Variants in PTPRM observed in about 807,000 individuals in gnomAD.
The protein encoded by PTPRM is protein tyrosine phosphatase receptor type M, also known as receptor-type tyrosine-protein phosphatase mu.
Under a neutral mutation model 186.7 loss-of-function variants are expected in PTPRM, and 47 were observed. That is an observed-to-expected ratio of 0.25 (90% confidence interval 0.20 to 0.32). The LOEUF (loss-of-function observed/expected upper bound fraction) is 0.32. Among genes scored for constraint, PTPRM ranks in the 10% least tolerant of loss-of-function variants. The pLI, the probability that PTPRM is intolerant of heterozygous loss-of-function variation, is 1.00. For synonymous variants in PTPRM, 668 were observed against 674.9 expected (o/e 0.99, Z 0.16); for missense variants, 1,494 against 1,865.0 (o/e 0.80, Z 3.66).
intron 1 of PTPRM, among the ~76,000 whole-genome samples, chr18:7,706,798 A>G (rs1040557208): frequency 6.6e-6 from 1 of 152,056 alleles, no homozygotes; most frequent in Non-Finnish European, 1.5e-5. Context: ...TTACACTTAA[A>G]TATACTATAA....
chr18:7,798,664 T>C (rs1356774303), intron 2 of PTPRM, among the ~76,000 whole-genome samples: 1 of 152,220 alleles, frequency 6.6e-6, no homozygotes, highest in Non-Finnish European at 1.5e-5. Flanking sequence ...CTTTAGACCA[T>C]ATTTTTGTGC....
At chr18:8,376,005 C>G in intron 24 of PTPRM, 41 bp from the exon 25 acceptor site, 1 of 1,576,474 alleles carries the variant, frequency 6.3e-7, no homozygotes, top group Non-Finnish European at 8.7e-7. Context: ...GGTTTGTTTT[C>G]CCTTGTTCTC....
At chr18:7,746,167 A>G (rs928302803) in intron 1 of PTPRM, among the ~76,000 whole-genome samples, 4 of 152,246 alleles carry the variant, frequency 2.6e-5, no homozygotes, top group African/African-American at 9.6e-5. Flanking sequence ...AGACAAACAC[A>G]AAGAACACTA....
At chr18:7,761,897 C>T (rs1376368547) in intron 1 of PTPRM, among the ~76,000 whole-genome samples, 2 of 152,122 alleles carry the variant, frequency 1.3e-5, no homozygotes, top group East Asian at 3.9e-4. Context: ...TTTGATGTAG[C>T]CAGAGTGTTC....
At chr18:8,019,263 A>C (rs2085063153) in intron 7 of PTPRM, among the ~76,000 whole-genome samples, 1 of 152,198 alleles carries the variant, frequency 6.6e-6, no homozygotes, top group African/African-American at 2.4e-5. Flanking sequence ...ACCTAATTTG[A>C]TGAATTTGTT....
intron 13 of PTPRM, among the ~76,000 whole-genome samples, chr18:8,128,031 A>C (rs2092414395): frequency 6.6e-6 from 1 of 152,180 alleles, no homozygotes; most frequent in Non-Finnish European, 1.5e-5. Context: ...TTGCACTCGA[A>C]AACGTACTAT....
At chr18:8,265,724 C>T (rs1601550192) in intron 19 of PTPRM, among the ~76,000 whole-genome samples, 1 of 152,046 alleles carries the variant, frequency 6.6e-6, no homozygotes, top group African/African-American at 2.4e-5. Context: ...AATCAGAAGG[C>T]AAATGTGGGT....
intron 3 of PTPRM, among the ~76,000 whole-genome samples, chr18:7,894,992 A>G (rs755733074): frequency 2.6e-5 from 4 of 152,348 alleles, no homozygotes; most frequent in Non-Finnish European, 5.9e-5. Context: ...TTTTGATATG[A>G]GTGAAAATTG....
Position 7,979,971 on chromosome 18 carries a change from C to G in PTPRM, c.1132+24557C>G, listed in dbSNP as rs530454888. The stretch of plus-strand genomic sequence containing the variant: ...CTGTGTCTTCAGCCCAGCTCTCGCT[C>G]CTGCCTCTGGGCATGCTGGCTCCTG... On this transcript the variant is annotated intron_variant, in intron 7 of 32. Coordinates refer to ENST00000580170, the MANE Select transcript of PTPRM (RefSeq NM_001105244.2). Among the ~76,000 whole-genome samples, 7 of 152,326 alleles carry G rather than the reference C, an allele frequency of 4.6e-5. No homozygotes were observed. The South Asian group carries it at 1.4e-3, about 32-fold the overall frequency.
chr18:8,173,323 T>C (rs1361849578), intron 14 of PTPRM, among the ~76,000 whole-genome samples: 1 of 152,242 alleles, frequency 6.6e-6, no homozygotes, highest in Non-Finnish European at 1.5e-5. Flanking sequence ...TTGGAACAAG[T>C]ATTAGCATAT....
chr18:7,935,659 A>AT (rs2051759873), intron 5 of PTPRM, among the ~76,000 whole-genome samples: 1 of 151,780 alleles, frequency 6.6e-6, no homozygotes, highest in Non-Finnish European at 1.5e-5. Flanking sequence ...TTTTATTTTT[A>AT]TTTTTTTCTT....
intron 1 of PTPRM, among the ~76,000 whole-genome samples, chr18:7,636,343 C>A (rs1244390324): frequency 6.6e-6 from 1 of 152,122 alleles, no homozygotes; most frequent in East Asian, 1.9e-4. Flanking sequence ...TCTCCCAAGG[C>A]TCAGTGTTTT....
chr18:8,262,096 A>G (rs140854853), intron 19 of PTPRM, among the ~76,000 whole-genome samples: 1 of 151,930 alleles, frequency 6.6e-6, no homozygotes, highest in African/African-American at 2.4e-5. Flanking sequence ...CACGGTTGCC[A>G]TTGCCCCTGC....
At chr18:8,124,709 G>A (rs1315726783) in intron 13 of PTPRM, among the ~76,000 whole-genome samples, 1 of 152,148 alleles carries the variant, frequency 6.6e-6, no homozygotes, top group African/African-American at 2.4e-5. Flanking sequence ...AAACAGCCTA[G>A]GAAGTGGTCG....
chr18:8,288,363 A>G (rs77333055), intron 19 of PTPRM, among the ~76,000 whole-genome samples: 13,835 of 152,220 alleles, frequency 0.091, 727 homozygotes, highest in Non-Finnish European at 0.12. Context: ...GATAAGGGGG[A>G]GCCCCAGGCA....
At chr18:8,029,949 G>A (rs1361515851) in intron 7 of PTPRM, among the ~76,000 whole-genome samples, 4 of 152,154 alleles carry the variant, frequency 2.6e-5, no homozygotes, top group South Asian at 2.1e-4. Flanking sequence ...TCCGTGCACC[G>A]CAGCCTTTTG....
intron 7 of PTPRM, among the ~76,000 whole-genome samples, chr18:7,993,274 GGAGAA>G (rs1442137303): frequency 6.6e-6 from 1 of 151,964 alleles, no homozygotes. Context: ...GAATGCCAGA[GGAGAA>G]GAGATAGAAA....
intron 1 of PTPRM, among the ~76,000 whole-genome samples, chr18:7,669,541 T>G (rs2144470129): frequency 6.6e-6 from 1 of 152,248 alleles, no homozygotes; most frequent in African/African-American, 2.4e-5. Flanking sequence ...GCTTGGAAAC[T>G]TTTTGCAGCA....
At chr18:8,229,692 C>G (rs1250099695) in intron 14 of PTPRM, among the ~76,000 whole-genome samples, 2 of 152,122 alleles carry the variant, frequency 1.3e-5, no homozygotes, top group African/African-American at 4.8e-5. Context: ...GTAATTTCAA[C>G]TTGTTTTAAA....
Sources: allele counts gnomAD v4.1 joint callset (sites outside exome capture counted in the v4.1 genomes callset), GRCh38; gene constraint gnomAD v4.1.1; transcripts MANE v1.5; gene names NCBI Gene and HGNC (gene_info 2026-07-23, HGNC 2026-07-21).